PGAP1: variants seen among roughly 807,000 people sequenced by gnomAD.
PGAP1 encodes GPI inositol-deacylase.
PGAP1 carries 76 observed loss-of-function variants against 127.0 expected under a neutral mutation model. The observed-to-expected ratio is 0.60, with a 90% CI of 0.50 to 0.72. The LOEUF (loss-of-function observed/expected upper bound fraction) is 0.72. Among genes scored for constraint, PGAP1 ranks in the 30% least tolerant of loss-of-function variants. The pLI is 0.00. For synonymous variants in PGAP1, 362 were observed against 366.5 expected (o/e 0.99, Z 0.14); for missense variants, 982 against 1,071.3 (o/e 0.92, Z 1.16).
At chr2:196,841,403 T>G in intron 26 of PGAP1, 31 bp from the exon 27 acceptor site, 2 of 1,571,180 alleles carry the variant, frequency 1.3e-6, no homozygotes, top group Non-Finnish European at 1.7e-6. Flanking sequence ...ATACATTACT[T>G]ATGTGAACTA....
In PGAP1 at chr2:196,834,868, C is replaced by T. The variant is rs1700196357; in HGVS notation, c.*6366G>A. On this transcript the variant is annotated 3_prime_UTR_variant, in exon 27 of 27. Coordinates refer to ENST00000354764, the MANE Select transcript of PGAP1 (RefSeq NM_024989.4). ...GTAAACTGAACTTAGGCCTTGTACA[C>T]TATCTTTTTACTAATAACACCTATG... is the stretch of plus-strand genomic sequence containing the variant. The T allele has an allele frequency of 6.6e-6, 1 of 151,966 alleles. No individual in the cohort carries two copies. The highest frequency in any genetic ancestry group is 1.5e-5 in the Non-Finnish European group (1 of 67,874). The allele number at this position is 151,966 out of a possible 1,614,324, so 9.4% of individuals were successfully genotyped here. A position where few individuals can be genotyped will look rare whatever the true frequency, so the allele number is the denominator to read the frequency against.
At chr2:196,865,283 G>A (rs1701203450) in intron 19 of PGAP1, among the ~76,000 whole-genome samples, 2 of 152,062 alleles carry the variant, frequency 1.3e-5, no homozygotes, top group African/African-American at 4.8e-5. Context: ...TTTCATCAAA[G>A]GCATAACAGA....
chr2:196,837,812 T>C lies in PGAP1; in HGVS notation c.*3422A>G, dbSNP rs1329533413. On this transcript the variant is annotated 3_prime_UTR_variant, in exon 27 of 27. Coordinates refer to ENST00000354764, the MANE Select transcript of PGAP1 (RefSeq NM_024989.4). The stretch of plus-strand genomic sequence containing the variant: ...ATAATCATGTAGATTAGTAGTATAG[T>C]TCACTCAAGAAGGGGTATTCCATTA... 6.6e-6 allele frequency: 1 copy of C among 152,186 alleles called. No homozygotes were observed. The highest frequency in any genetic ancestry group is 1.5e-5 in the Non-Finnish European group (1 of 68,042). The allele number at this position is 152,186 out of a possible 1,614,324, so 9.4% of individuals were successfully genotyped here.
chr2:196,899,210 C>A (rs58116018), intron 5 of PGAP1, among the ~76,000 whole-genome samples: 17,047 of 152,032 alleles, frequency 0.11, 1,235 homozygotes, highest in African/African-American at 0.21. Flanking sequence ...CTGTCAAAAC[C>A]AAATGAAAAT....
intron 4 of PGAP1, among the ~76,000 whole-genome samples, chr2:196,903,073 A>C (rs1056081640): frequency 2.0e-5 from 3 of 152,222 alleles, no homozygotes; most frequent in Non-Finnish European, 4.4e-5. Flanking sequence ...GTATAGCTAA[A>C]AGAGAAAATT....
chr2:196,847,613 CAG>C (rs1418332749), intron 21 of PGAP1: 1 of 197,458 alleles, frequency 5.1e-6, no homozygotes, highest in Non-Finnish European at 1.0e-5. Context: ...TAAAAGTGAT[CAG>C]AGAGGCACTG....
chr2:196,914,246 C>A (rs1702928450), intron 3 of PGAP1, among the ~76,000 whole-genome samples: 1 of 152,162 alleles, frequency 6.6e-6, no homozygotes, highest in Non-Finnish European at 1.5e-5. Context: ...GGCATTCTCT[C>A]TTAAAAATAA....
Position 196,840,232 on chromosome 2 carries a change from T to C in PGAP1, c.*1002A>G, listed in dbSNP as rs1370771132. The C allele has an allele frequency of 6.6e-6, 1 of 152,244 alleles. No homozygotes were observed. The highest frequency in any genetic ancestry group is 1.9e-4 in the East Asian group (1 of 5,202). 9.4% of individuals were successfully genotyped at this position (152,244 alleles called of 1,614,324 possible). On this transcript the variant is annotated 3_prime_UTR_variant, in exon 27 of 27. Transcript: ENST00000354764. ...TGCTACTAATGGGTTAACAGTTGTC[T>C]ACTGATATTCCATTAATAGTATAAT... is the stretch of plus-strand genomic sequence containing the variant.
Position 196,846,016 on chromosome 2 carries a change from G to T in PGAP1, c.2152C>A (p.Pro718Thr). The T allele has an allele frequency of 1.3e-6, 2 of 1,562,334 alleles. No individual in the cohort carries two copies. The highest frequency in any genetic ancestry group is 1.2e-5 in the South Asian group (1 of 81,834). Reference sequence around the variant, plus strand: ...TTGATATCTTTAGGAAGTTCAGAGGGTCTGGAATTATAAGAATAAAGTTTA... The same window carrying T: ...TTGATATCTTTAGGAAGTTCAGAGGTTCTGGAATTATAAGAATAAAGTTTA... ...LSSLWLALKR[P>T]SELPKDIKMI... Residue 718 changes from proline (P) to threonine (T), a missense_variant and splice_region_variant, in exon 23 of 27, where the codon CCC (proline) becomes ACC (threonine). Pro to Thr is a conservative substitution (Grantham distance 38). Transcript: ENST00000354764.
chr2:196,904,463 C>T (rs1000456489), intron 4 of PGAP1, among the ~76,000 whole-genome samples: 2 of 152,150 alleles, frequency 1.3e-5, no homozygotes, highest in Admixed American at 6.6e-5. Flanking sequence ...GGCAGCTGGG[C>T]GCAGTGGCTC....
intron 15 of PGAP1, 43 bp downstream of exon 15, chr2:196,873,641 TA>T: frequency 6.3e-7 from 1 of 1,593,518 alleles, no homozygotes; most frequent in Non-Finnish European, 8.6e-7. Context: ...AAGTAAACAT[TA>T]AAGTAAAATC....
In PGAP1 at chr2:196,863,859, A is replaced by T. The variant is rs1401862993; in HGVS notation, c.1861+1128T>A. Among the ~76,000 whole-genome samples the T allele has an allele frequency of 6.6e-5, 10 of 152,172 alleles. No individual in the cohort carries two copies. In the East Asian group the frequency reaches 1.9e-3, roughly 30 times the overall value. ...CTCCCAAAGTGCTGGGATTACAGGC[A>T]TGAGCCAGTGCCCTGCCAGGATGAC... On this transcript the variant is annotated intron_variant, in intron 20 of 26. Coordinates refer to ENST00000354764, the MANE Select transcript of PGAP1 (RefSeq NM_024989.4).
At chr2:196,867,453 C>T (rs562328199) in intron 19 of PGAP1, among the ~76,000 whole-genome samples, 8 of 152,074 alleles carry the variant, frequency 5.3e-5, no homozygotes, top group Non-Finnish European at 8.8e-5. Context: ...GGGAGAAGAA[C>T]ATCACACACC....
At chr2:196,920,848 T>C (rs1381026444) in intron 1 of PGAP1, among the ~76,000 whole-genome samples, 2 of 152,134 alleles carry the variant, frequency 1.3e-5, no homozygotes, top group South Asian at 2.1e-4. Context: ...CTTCATATTA[T>C]TGTATACCAA....
At chr2:196,860,192 T>A (rs199958627) in intron 20 of PGAP1, among the ~76,000 whole-genome samples, 1 of 151,842 alleles carries the variant, frequency 6.6e-6, no homozygotes, top group East Asian at 1.9e-4. Flanking sequence ...AATCAACATA[T>A]AAAAATCAGT....
intron 20 of PGAP1, among the ~76,000 whole-genome samples, chr2:196,859,830 T>C (rs558010343): frequency 6.6e-6 from 1 of 152,014 alleles, no homozygotes; most frequent in African/African-American, 2.4e-5. Flanking sequence ...TAAAAACTAT[T>C]AACAAATTGA....
At chr2:196,866,980 A>G (rs1279984300) in intron 19 of PGAP1, among the ~76,000 whole-genome samples, 2 of 152,200 alleles carry the variant, frequency 1.3e-5, no homozygotes, top group Non-Finnish European at 2.9e-5. Context: ...AAAAGTCAGG[A>G]AACAATATGC....
At chr2:196,875,688 C>T (rs1701543071) in intron 14 of PGAP1, 58 bp downstream of exon 14, 1 of 909,320 alleles carries the variant, frequency 1.1e-6, no homozygotes, top group Non-Finnish European at 1.8e-6. Flanking sequence ...CTCTGCTTTA[C>T]TGCAACTCTG....
At chr2:196,881,044 C>T (rs1011801441) in intron 12 of PGAP1, among the ~76,000 whole-genome samples, 6 of 152,036 alleles carry the variant, frequency 3.9e-5, no homozygotes, top group Admixed American at 3.3e-4. Flanking sequence ...CCAATAGGCC[C>T]GAGTGTGTGT....
Sources: allele counts gnomAD v4.1 joint callset (sites outside exome capture counted in the v4.1 genomes callset), GRCh38; gene constraint gnomAD v4.1.1; transcripts MANE v1.5; gene names NCBI Gene and HGNC (gene_info 2026-07-23, HGNC 2026-07-21).